PTPRD: variants seen among roughly 807,000 people sequenced by gnomAD.
PTPRD encodes the protein protein tyrosine phosphatase receptor type D.
PTPRD carries 34 observed loss-of-function variants against 214.5 expected under a neutral mutation model. That is an observed-to-expected ratio of 0.16 (90% CI 0.12 to 0.21). The LOEUF is 0.21. Among genes scored for constraint, PTPRD ranks in the 10% least tolerant of loss-of-function variants. The pLI is 1.00. For missense variants in PTPRD, 2,545 were observed against 2,398.7 expected (o/e 1.06, Z -1.27); for synonymous variants, 1,128 against 845.7 (o/e 1.33, Z -5.79).
At chr9:9,572,310 T>C (rs182489426) in intron 8 of PTPRD, among the ~76,000 whole-genome samples, 2 of 151,480 alleles carry the variant, frequency 1.3e-5, no homozygotes, top group Admixed American at 6.6e-5. Flanking sequence ...ACTTCCATAA[T>C]TGGCTATGGT....
intron 11 of PTPRD, among the ~76,000 whole-genome samples, chr9:8,981,718 T>G (rs542530327): frequency 6.6e-6 from 1 of 151,276 alleles, no homozygotes; most frequent in South Asian, 2.1e-4. Flanking sequence ...CTTATAGGAT[T>G]TTTTTTTGAG....
At chr9:8,384,582 C>T (rs1564444277) in intron 37 of PTPRD, among the ~76,000 whole-genome samples, 1 of 152,286 alleles carries the variant, frequency 6.6e-6, no homozygotes, top group Middle Eastern at 3.4e-3. Flanking sequence ...GGCTGGAGTA[C>T]AATGGTGCAA....
intron 43 of PTPRD, among the ~76,000 whole-genome samples, chr9:8,336,735 C>A (rs1847245319): frequency 6.6e-6 from 1 of 151,394 alleles, no homozygotes; most frequent in Non-Finnish European, 1.5e-5. Flanking sequence ...CCAGAATCTA[C>A]AAAGAACTTA....
intron 11 of PTPRD, among the ~76,000 whole-genome samples, chr9:8,845,499 T>C (rs751973277): frequency 6.6e-6 from 1 of 152,326 alleles, no homozygotes; most frequent in South Asian, 2.1e-4. Flanking sequence ...ATACAAGCCA[T>C]CAAATATGCC....
intron 11 of PTPRD, among the ~76,000 whole-genome samples, chr9:8,979,881 A>G (rs1459455100): frequency 6.6e-6 from 1 of 152,082 alleles, no homozygotes; most frequent in African/African-American, 2.4e-5. Flanking sequence ...AAAGAAGATG[A>G]AATCACCACT....
In PTPRD at chr9:8,315,904, A is replaced by G. The variant is rs1052875795; in HGVS notation, c.*1970T>C. On this transcript the variant is annotated 3_prime_UTR_variant, in exon 46 of 46. Coordinates refer to ENST00000381196, the MANE Select transcript of PTPRD (RefSeq NM_002839.4). ...CTTATGCCATCATCCATGGCTTCCT[A>G]TAGAAATTCTGTTGGAAGAATTGGG... The G allele has an allele frequency of 8.9e-6, 2 of 225,062 alleles. No homozygotes were observed. The highest frequency in any genetic ancestry group is 1.8e-5 in the Non-Finnish European group (2 of 113,336). 13.9% of individuals were successfully genotyped at this position (225,062 alleles called of 1,614,324 possible). A position where few individuals can be genotyped will look rare whatever the true frequency, so the allele number is the denominator to read the frequency against.
chr9:9,650,160 G>C (rs2096296945), intron 7 of PTPRD, among the ~76,000 whole-genome samples: 1 of 152,106 alleles, frequency 6.6e-6, no homozygotes, highest in African/African-American at 2.4e-5. Context: ...GGGTTTAAAA[G>C]TGTGCAGTGG....
intron 10 of PTPRD, among the ~76,000 whole-genome samples, chr9:9,051,162 T>TA (rs1404508166): frequency 2.0e-5 from 3 of 152,250 alleles, no homozygotes; most frequent in Non-Finnish European, 1.5e-5. Flanking sequence ...GAGCAATAAA[T>TA]AAAATTATAG....
chr9:9,827,210 G>A (rs895734590), intron 5 of PTPRD, among the ~76,000 whole-genome samples: 1 of 151,968 alleles, frequency 6.6e-6, no homozygotes, highest in African/African-American at 2.4e-5. Context: ...TCAATCCTAA[G>A]CCAAAAGAAC....
rs542326222 is a variant in PTPRD at position 9,518,725 on chromosome 9, C to T, written c.-237+56007G>A. On this transcript the variant is annotated intron_variant, in intron 8 of 45. Coordinates refer to ENST00000381196, the MANE Select transcript of PTPRD (RefSeq NM_002839.4). Reference sequence around the variant, plus strand: ...TGAAAGAGTTTTAATGTAATGCATGCCAGTTTAACAGAATGGACAAGGCAG... The same window carrying T: ...TGAAAGAGTTTTAATGTAATGCATGTCAGTTTAACAGAATGGACAAGGCAG... Among the ~76,000 whole-genome samples, 18 of 151,958 alleles carry T rather than the reference C, an allele frequency of 1.2e-4. 1 individual carries two copies. The South Asian group carries it at 1.5e-3, about 12-fold the overall frequency.
chr9:10,417,709 T>C (rs1390084139), intron 2 of PTPRD, among the ~76,000 whole-genome samples: 3 of 151,852 alleles, frequency 2.0e-5, no homozygotes, highest in East Asian at 2.0e-4. Flanking sequence ...TTGGAAACAA[T>C]AGTAGCAAGG....
intron 44 of PTPRD, among the ~76,000 whole-genome samples, chr9:8,322,428 C>G (rs879009210): frequency 6.6e-6 from 1 of 152,110 alleles, no homozygotes. Flanking sequence ...GGAAGTAGAA[C>G]AGCTTTACTG....
chr9:10,103,798 C>A (rs1197141917), intron 3 of PTPRD, among the ~76,000 whole-genome samples: 4 of 151,600 alleles, frequency 2.6e-5, no homozygotes, highest in Admixed American at 6.6e-5. Flanking sequence ...ATATCATGTT[C>A]TTGCTTGGTG....
intron 2 of PTPRD, among the ~76,000 whole-genome samples, chr9:10,580,896 G>A (rs769523584): frequency 1.3e-5 from 2 of 152,132 alleles, no homozygotes; most frequent in South Asian, 4.1e-4. Flanking sequence ...AGACTTGCAT[G>A]TCTAATGAGA....
At chr9:9,120,131 A>G (rs1338735207) in intron 10 of PTPRD, among the ~76,000 whole-genome samples, 3 of 152,236 alleles carry the variant, frequency 2.0e-5, no homozygotes, top group South Asian at 2.1e-4. Flanking sequence ...GTGCCTGATT[A>G]TATTTCATCT....
At chr9:8,766,403 G>T (rs1238027344) in intron 11 of PTPRD, among the ~76,000 whole-genome samples, 1 of 152,074 alleles carries the variant, frequency 6.6e-6, no homozygotes, top group Non-Finnish European at 1.5e-5. Flanking sequence ...ATTCTGCAGG[G>T]TCAGGTCCCC....
At chr9:8,330,535 TGG>T (rs1839199492) in intron 44 of PTPRD, among the ~76,000 whole-genome samples, 2 of 149,760 alleles carry the variant, frequency 1.3e-5, no homozygotes, top group Admixed American at 6.7e-5. Flanking sequence ...GCTCTTTGGT[TGG>T]TTTGCAAAGG....
At chr9:9,603,107 T>C (rs1222963799) in intron 7 of PTPRD, among the ~76,000 whole-genome samples, 1 of 152,114 alleles carries the variant, frequency 6.6e-6, no homozygotes, top group East Asian at 1.9e-4. Context: ...TGCTAATATA[T>C]GGCTAGAAGG....
chr9:9,771,756 G>A (rs2098753529), intron 5 of PTPRD, among the ~76,000 whole-genome samples: 1 of 152,118 alleles, frequency 6.6e-6, no homozygotes, highest in South Asian at 2.1e-4. Flanking sequence ...TCTATACAGT[G>A]TGTAAACCGA....
Sources: allele counts gnomAD v4.1 joint callset (sites outside exome capture counted in the v4.1 genomes callset), GRCh38; gene constraint gnomAD v4.1.1; transcripts MANE v1.5; gene names NCBI Gene and HGNC (gene_info 2026-07-23, HGNC 2026-07-21).